Variants in GPHN observed in about 807,000 individuals in gnomAD.
GPHN encodes gephyrin.
GPHN carries 17 observed loss-of-function variants against 95.5 expected under a neutral mutation model. That is an observed-to-expected ratio of 0.18 (90% confidence interval 0.12 to 0.27). The LOEUF is 0.27. Among genes scored for constraint, GPHN ranks in the 10% least tolerant of loss-of-function variants. The pLI is 1.00. For synonymous variants in GPHN, 320 were observed against 322.5 expected (o/e 0.99, Z 0.08); for missense variants, 660 against 978.1 (o/e 0.67, Z 4.34).
chr14:66,693,172 AAGAT>A (rs1192649193), intron 2 of GPHN, among the ~76,000 whole-genome samples: 1 of 152,142 alleles, frequency 6.6e-6, no homozygotes, highest in Admixed American at 6.5e-5. Context: ...GGCTTAATAA[AAGAT>A]AGCTAAATTT....
the GPHN span, among the ~76,000 whole-genome samples, chr14:67,361,749 T>G: frequency 2.0e-5 from 3 of 152,224 alleles, no homozygotes; most frequent in African/African-American, 7.2e-5. Flanking sequence ...TCAGAACACA[T>G]AAGAGTATTA....
Position 67,144,278 on chromosome 14 carries a change from T to TACATAC in GPHN, c.1836+830_1836+831insCATACA, listed in dbSNP as rs1567401075. Among the ~76,000 whole-genome samples, 30 of 111,122 alleles carry TACATAC rather than the reference T, an allele frequency of 2.7e-4. 1 individual carries two copies. The highest frequency in any genetic ancestry group is 8.0e-4 in the South Asian group (3 of 3,768). The allele number at this position is 111,122 out of a possible 152,430, so 72.9% of individuals were successfully genotyped here. A position where few individuals can be genotyped will look rare whatever the true frequency, so the allele number is the denominator to read the frequency against. On this transcript the variant is annotated intron_variant, in intron 18 of 22. Transcript: ENST00000478722. Reference sequence around the variant, plus strand: ...ATATATATATATATATATATATATATATATATATACACACACACATACACA... The same window carrying TACATAC: ...ATATATATATATATATATATATATATACATACATATATATACACACACACATACACA...
chr14:67,273,563 A>G, the GPHN span, among the ~76,000 whole-genome samples: 1 of 152,210 alleles, frequency 6.6e-6, no homozygotes, highest in Admixed American at 6.5e-5. Context: ...TGCTATTGTG[A>G]ATAGTGCCGC....
At chr14:66,552,772 G>A (rs948547797) in intron 1 of GPHN, among the ~76,000 whole-genome samples, 1 of 152,094 alleles carries the variant, frequency 6.6e-6, no homozygotes, top group Non-Finnish European at 1.5e-5. Context: ...CTTCCAGTGA[G>A]AGGCTGGGAA....
At chr14:67,642,793 C>CTTTTTTTTTTTTTTT in the GPHN span, among the ~76,000 whole-genome samples, 97 of 75,554 alleles carry the variant, frequency 1.3e-3, 27 homozygotes, top group South Asian at 5.6e-3. Flanking sequence ...ACTACATTTT[C>CTTTTTTTTTTTTTTT]TTTTTTTTTT....
At chr14:67,035,777 TA>T (rs2074392397) in intron 10 of GPHN, among the ~76,000 whole-genome samples, 1 of 151,630 alleles carries the variant, frequency 6.6e-6, no homozygotes, top group Non-Finnish European at 1.5e-5. Flanking sequence ...AACCTCCCAA[TA>T]AAGTAAAACC....
the GPHN span, among the ~76,000 whole-genome samples, chr14:67,331,127 CTCTGCTTCCTG>C: frequency 6.6e-6 from 1 of 152,148 alleles, no homozygotes; most frequent in Non-Finnish European, 1.5e-5. Context: ...TCACTGCAAC[CTCTGCTTCCTG>C]GGTTTAAGTG....
intron 10 of GPHN, among the ~76,000 whole-genome samples, chr14:67,050,436 A>G (rs749936128): frequency 2.0e-5 from 3 of 152,224 alleles, no homozygotes; most frequent in Non-Finnish European, 2.9e-5. Context: ...TAAGGAAGGC[A>G]CTATTCTAAA....
At position 66,916,082 on chromosome 14, in the gene GPHN, G is replaced by A; in HGVS notation, c.456+13G>A. 1 of 1,534,222 alleles carries A rather than the reference G, an allele frequency of 6.5e-7. No homozygotes were observed. The highest frequency in any genetic ancestry group is 9.0e-7 in the Non-Finnish European group (1 of 1,107,130). On this transcript the variant is annotated intron_variant, in intron 6 of 22. Coordinates refer to ENST00000478722, the MANE Select transcript of GPHN (RefSeq NM_020806.5). ...GAAAGGATCTCAGGTAAATCACCTG[G>A]ACATATTAATGGTTTAGTGTAAGAG...
Position 66,533,665 on chromosome 14 carries a change from CG to C in GPHN, c.64+25076del, listed in dbSNP as rs2059026403. Among the ~76,000 whole-genome samples, 5 of 152,250 alleles carry C rather than the reference CG, an allele frequency of 3.3e-5. No individual in the cohort carries two copies. The South Asian group carries it at 1.0e-3, about 32-fold the overall frequency. On this transcript the variant is annotated intron_variant, in intron 1 of 22. Coordinates refer to ENST00000478722, the MANE Select transcript of GPHN (RefSeq NM_020806.5). ...CTGTCAAGTTTCTCATCTGCTGAAA[CG>C]GTGGTACCAGAGTGTCTAGGCTAAA... is the stretch of plus-strand genomic sequence containing the variant.
intron 9 of GPHN, among the ~76,000 whole-genome samples, chr14:67,010,413 G>A (rs1295001479): frequency 6.6e-6 from 1 of 151,682 alleles, no homozygotes; most frequent in Non-Finnish European, 1.5e-5. Context: ...TTAGCCAGGT[G>A]TGGTGGCGGG....
the GPHN span, among the ~76,000 whole-genome samples, chr14:67,694,465 C>CAT: frequency 4.7e-4 from 49 of 103,158 alleles, no homozygotes; most frequent in African/African-American, 6.6e-4. Flanking sequence ...CACACACACA[C>CAT]ATATATATAT....
chr14:66,675,873 T>G (rs1446540390), intron 1 of GPHN, among the ~76,000 whole-genome samples: 1 of 152,186 alleles, frequency 6.6e-6, no homozygotes, highest in Non-Finnish European at 1.5e-5. Flanking sequence ...TAGCAGGTAT[T>G]GACTGCAAAT....
the GPHN span, among the ~76,000 whole-genome samples, chr14:67,252,512 T>C: frequency 6.6e-6 from 1 of 151,998 alleles, no homozygotes; most frequent in East Asian, 1.9e-4. Flanking sequence ...AATAGCTGGG[T>C]GGTGTGAAGT....
the GPHN span, among the ~76,000 whole-genome samples, chr14:67,350,966 G>A: frequency 6.6e-6 from 1 of 152,206 alleles, no homozygotes; most frequent in African/African-American, 2.4e-5. Context: ...ATTCCTGAAT[G>A]GGTACATGCT....
At chr14:67,263,751 G>A in the GPHN span, among the ~76,000 whole-genome samples, 1 of 152,172 alleles carries the variant, frequency 6.6e-6, no homozygotes. Flanking sequence ...TAAGTGAGAA[G>A]ATATATAGGA....
chr14:67,308,740 TTTTATACC>T, the GPHN span, among the ~76,000 whole-genome samples: 3 of 152,040 alleles, frequency 2.0e-5, no homozygotes, highest in African/African-American at 4.8e-5. Context: ...GCTAATTTTG[TTTTATACC>T]TTTATCAATT....
chr14:66,768,049 TAACTC>T (rs1419224795), intron 2 of GPHN, among the ~76,000 whole-genome samples: 3 of 151,974 alleles, frequency 2.0e-5, no homozygotes, highest in Admixed American at 6.6e-5. Context: ...AATTTGGAGA[TAACTC>T]AGAGGAAAAC....
At chr14:66,750,603 A>G (rs1204309267) in intron 2 of GPHN, among the ~76,000 whole-genome samples, 1 of 151,958 alleles carries the variant, frequency 6.6e-6, no homozygotes, top group Non-Finnish European at 1.5e-5. Context: ...AATAATGTCA[A>G]CATGTACTTC....
Sources: allele counts gnomAD v4.1 joint callset (sites outside exome capture counted in the v4.1 genomes callset), GRCh38; gene constraint gnomAD v4.1.1; transcripts MANE v1.5; gene names NCBI Gene and HGNC (gene_info 2026-07-23, HGNC 2026-07-21).